SLC24A3: variants seen among roughly 807,000 people sequenced by gnomAD.
SLC24A3 encodes sodium/potassium/calcium exchanger 3.
SLC24A3 carries 28 observed loss-of-function variants against 75.8 expected under a neutral mutation model. The observed-to-expected ratio is 0.37, with a 90% confidence interval of 0.27 to 0.51. The LOEUF is 0.51. SLC24A3 is among the 20% of genes least tolerant of loss of function. The pLI is 0.94. For synonymous variants in SLC24A3, 372 were observed against 334.1 expected, an observed-to-expected ratio of 1.11 and a Z score of -1.24; for missense variants, 663 against 847.8, an observed-to-expected ratio of 0.78 and a Z score of 2.71.
intron 1 of SLC24A3, chr20:19,244,374 G>A (rs1171318671): frequency 6.6e-6 from 1 of 152,236 alleles, no homozygotes; most frequent in Admixed American, 6.5e-5. Context: ...AGAAGGTGTG[G>A]TGAGAACATG....
chr20:19,443,830 C>T (rs993727075), intron 2 of SLC24A3, among the ~76,000 whole-genome samples: 2 of 152,160 alleles, frequency 1.3e-5, no homozygotes, highest in Non-Finnish European at 2.9e-5. Flanking sequence ...GAGTGCTCTA[C>T]CCATAATTGC....
intron 2 of SLC24A3, chr20:19,284,208 G>A (rs990577103): frequency 2.6e-5 from 4 of 152,794 alleles, no homozygotes; most frequent in African/African-American, 9.7e-5. Flanking sequence ...AAAAAGTTGA[G>A]AGCCAAAGCA....
chr20:19,628,202 C>CAAAAAAAAAAAAAAAAA (rs776701707), intron 6 of SLC24A3, among the ~76,000 whole-genome samples: 3 of 51,818 alleles, frequency 5.8e-5, no homozygotes, highest in African/African-American at 1.1e-4. Flanking sequence ...GACTCCATCT[C>CAAAAAAAAAAAAAAAAA]AAAAAAAAAA....
At chr20:19,484,411 A>C (rs1245691674) in intron 2 of SLC24A3, among the ~76,000 whole-genome samples, 1 of 152,228 alleles carries the variant, frequency 6.6e-6, no homozygotes, top group African/African-American at 2.4e-5. Flanking sequence ...CATCATGTTG[A>C]CACAAAAAAT....
At chr20:19,224,437 C>T (rs893503594) in intron 1 of SLC24A3, among the ~76,000 whole-genome samples, 1 of 152,154 alleles carries the variant, frequency 6.6e-6, no homozygotes, top group African/African-American at 2.4e-5. Context: ...TAAAATTGAA[C>T]CATGAAGGGT....
intron 2 of SLC24A3, among the ~76,000 whole-genome samples, chr20:19,334,176 A>T (rs1259141437): frequency 6.6e-6 from 1 of 152,150 alleles, no homozygotes; most frequent in Admixed American, 6.5e-5. Flanking sequence ...TATCCTAATG[A>T]CTTGTTATTG....
chr20:19,446,539 T>C (rs1987388860), intron 2 of SLC24A3, among the ~76,000 whole-genome samples: 1 of 152,240 alleles, frequency 6.6e-6, no homozygotes, highest in African/African-American at 2.4e-5. Flanking sequence ...AGGATGGCGT[T>C]ACTCTTATTC....
At chr20:19,660,834 A>G (rs1207091130) in intron 7 of SLC24A3, among the ~76,000 whole-genome samples, 3 of 152,090 alleles carry the variant, frequency 2.0e-5, no homozygotes, top group Admixed American at 2.0e-4. Flanking sequence ...CGGAATAACT[A>G]TGGTAGCAAG....
intron 3 of SLC24A3, among the ~76,000 whole-genome samples, chr20:19,567,130 T>G (rs1600283369): frequency 6.6e-6 from 1 of 152,218 alleles, no homozygotes; most frequent in East Asian, 1.9e-4. Context: ...ATAGAACTTA[T>G]CATTCGACCT....
intron 2 of SLC24A3, among the ~76,000 whole-genome samples, chr20:19,404,010 G>A (rs946829575): frequency 1.3e-5 from 2 of 152,218 alleles, no homozygotes; most frequent in Non-Finnish European, 2.9e-5. Context: ...TAAGCTTTGG[G>A]ACTTGATGAA....
At chr20:19,693,993 T>C (rs1193112647) in intron 13 of SLC24A3, 2 of 152,398 alleles carry the variant, frequency 1.3e-5, no homozygotes, top group Admixed American at 6.5e-5. Flanking sequence ...AATTGGGAAA[T>C]GATGATCAAT....
rs535316839 is a variant in SLC24A3, at chr20:19,685,151, G to A, written c.1114G>A (p.Ala372Thr). The change falls in exon 12 of 17, where the codon GCC becomes ACC. Residue 372 changes from alanine (A) to threonine (T), a missense_variant. Physicochemically the swap from Ala to Thr is moderately conservative, Grantham distance 58 (BLOSUM62 0). Around this residue, in one of 2 missense-constraint regions of SLC24A3, gnomAD observed 510 missense variants for 703.6 expected, o/e 0.72. Coordinates refer to ENST00000328041, the MANE Select transcript of SLC24A3 (RefSeq NM_020689.4). ...TTATACCAACGGGGAATCTGAGGTG[G>A]CCATCAAAATCCCAATTAAGCACAC... ...RAYTNGESEV[A>T]IKIPIKHTVE... The A allele has an allele frequency of 5.2e-5, 84 of 1,613,806 alleles. No individual in the cohort carries two copies. In the South Asian group the frequency reaches 8.8e-4, roughly 17 times the overall value.
intron 2 of SLC24A3, among the ~76,000 whole-genome samples, chr20:19,455,305 T>G (rs1372353041): frequency 2.0e-5 from 3 of 152,244 alleles, no homozygotes; most frequent in African/African-American, 7.2e-5. Context: ...ATTGATCTTA[T>G]GACGTTTATT....
intron 2 of SLC24A3, among the ~76,000 whole-genome samples, chr20:19,314,812 C>G (rs1365628243): frequency 6.6e-6 from 1 of 152,220 alleles, no homozygotes; most frequent in Non-Finnish European, 1.5e-5. Flanking sequence ...TTAGTGGTTA[C>G]CAGGCCTTGG....
At chr20:19,311,506 C>T (rs1439080976) in intron 2 of SLC24A3, among the ~76,000 whole-genome samples, 2 of 152,150 alleles carry the variant, frequency 1.3e-5, no homozygotes, top group African/African-American at 2.4e-5. Context: ...CAGCTACATC[C>T]ACTCAGAGTG....
At chr20:19,428,271 ACCAGTACAATTCAAT>A (rs1049869237) in intron 2 of SLC24A3, among the ~76,000 whole-genome samples, 27 of 152,228 alleles carry the variant, frequency 1.8e-4, no homozygotes, top group African/African-American at 5.8e-4. Context: ...CTCATTTCAC[ACCAGTACAATTCAAT>A]CAGTGTGCTT....
intron 2 of SLC24A3, among the ~76,000 whole-genome samples, chr20:19,371,550 A>G (rs1303112801): frequency 3.9e-5 from 6 of 152,180 alleles, no homozygotes; most frequent in African/African-American, 1.4e-4. Flanking sequence ...GTTCCTGAAA[A>G]AGGGATTTGG....
chr20:19,441,283 G>A (rs1349680265), intron 2 of SLC24A3, among the ~76,000 whole-genome samples: 2 of 152,280 alleles, frequency 1.3e-5, no homozygotes, highest in African/African-American at 2.4e-5. Context: ...CTAGGGGCCG[G>A]AAGTAATGAC....
At chr20:19,222,529 T>A (rs901722759) in intron 1 of SLC24A3, among the ~76,000 whole-genome samples, 2 of 152,164 alleles carry the variant, frequency 1.3e-5, no homozygotes, top group Admixed American at 1.3e-4. Flanking sequence ...TCACTCAGCA[T>A]CCTGTCTTGA....
Sources: allele counts gnomAD v4.1 joint callset (sites outside exome capture counted in the v4.1 genomes callset), GRCh38; gene constraint gnomAD v4.1.1; regional missense constraint gnomAD v4.1.1; transcripts MANE v1.5; gene names NCBI Gene and HGNC (gene_info 2026-07-23, HGNC 2026-07-21).